ARHGEF15: variants seen among roughly 807,000 people sequenced by gnomAD.
ARHGEF15 encodes the protein Rho guanine nucleotide exchange factor 15.
ARHGEF15 carries 58 observed loss-of-function variants against 79.7 expected under a neutral mutation model. The observed-to-expected ratio is 0.73, with a 90% CI of 0.59 to 0.91. The LOEUF is 0.91. Ranked by LOEUF, ARHGEF15 falls within the 40% of genes least tolerant of loss-of-function variation. The probability of loss-of-function intolerance (pLI) is 0.00; values close to 1 mark genes in which losing one functional copy is unlikely to be tolerated. For missense variants in ARHGEF15, 1,012 were observed against 1,108.1 expected (o/e 0.91, Z 1.23); for synonymous variants, 442 against 456.0 (o/e 0.97, Z 0.39).
In ARHGEF15 at chr17:8,321,161, C is replaced by A; in HGVS notation, c.*168C>A. 1 of 867,946 alleles carries A rather than the reference C, an allele frequency of 1.2e-6. No individual in the cohort carries two copies. The highest frequency in any genetic ancestry group is 1.7e-6 in the Non-Finnish European group (1 of 575,452). The allele number at this position is 867,946 out of a possible 1,614,324, so 53.8% of individuals were successfully genotyped here. A position where few individuals can be genotyped will look rare whatever the true frequency, so the allele number is the denominator to read the frequency against. The stretch of plus-strand genomic sequence containing the variant: ...CAGCCAATGAAAACGGCCGCCTGAA[C>A]CCACAGCAATAAGAATGAATGAGGA... On this transcript the variant is annotated 3_prime_UTR_variant, in exon 16 of 16. Coordinates refer to ENST00000361926, the MANE Select transcript of ARHGEF15 (RefSeq NM_173728.4).
Position 8,318,747 on chromosome 17 carries a change from C to A in ARHGEF15, c.1873-3C>A. ...AACCTCCTCTGCCTCCGCTTCCTCG[C>A]AGGCCCTGCCCCTGGTCTCCTGGTC... On this transcript the variant is annotated splice_region_variant and splice_polypyrimidine_tract_variant and intron_variant, in intron 11 of 15. Transcript: ENST00000361926. The surrounding 1 kb of genome is among the most constrained non-coding windows in gnomAD (Gnocchi z 5.0). 1 of 1,612,384 alleles carries A rather than the reference C, an allele frequency of 6.2e-7. No homozygotes were observed. The highest frequency in any genetic ancestry group is 8.5e-7 in the Non-Finnish European group (1 of 1,179,420).
At chr17:8,319,945 C>CTT (rs33999460) in intron 15 of ARHGEF15, among the ~76,000 whole-genome samples, 61 of 140,534 alleles carry the variant, frequency 4.3e-4, no homozygotes, top group Admixed American at 1.3e-3. Flanking sequence ...TATTTCTATT[C>CTT]TTTTTTTTTT....
Position 8,319,485 on chromosome 17 carries a change from C to T in ARHGEF15, c.2270-14C>T. ...CTAAACAGAATCACTTTAATGTCAC[C>T]CACCCCCAACCAGACTGTTCCCAGG... On this transcript the variant is annotated splice_polypyrimidine_tract_variant and intron_variant, in intron 14 of 15. Transcript: ENST00000361926. 6.3e-7 allele frequency: 1 copy of T among 1,588,190 alleles called. No homozygotes were observed. The highest frequency in any genetic ancestry group is 8.6e-7 in the Non-Finnish European group (1 of 1,168,180).
Position 8,312,076 on chromosome 17 carries a change from A to G in ARHGEF15, c.37A>G (p.Thr13Ala). ...AQSLPAATPP[T>A]QKPPRIIRPR... ...GTCCCTTCCTGCAGCAACACCCCCC[A>G]CGCAGAAGCCCCCTCGGATCATCCG... Residue 13 changes from threonine (T) to alanine (A), a missense_variant, in exon 2 of 16, where the codon ACG (threonine) becomes GCG (alanine). Around this residue, in one of 3 missense-constraint regions of ARHGEF15, gnomAD observed 818 missense variants for 882.5 expected, o/e 0.93. Transcript: ENST00000361926. The G allele has an allele frequency of 9.3e-7, 1 of 1,070,796 alleles. No homozygotes were observed. Among genetic ancestry groups the G allele is most frequent in the Non-Finnish European group, 1.2e-6 (1 of 848,828 alleles). 66.3% of individuals were successfully genotyped at this position (1,070,796 alleles called of 1,614,324 possible).
chr17:8,315,137 C>T lies in ARHGEF15; in HGVS notation c.1120C>T (p.Pro374Ser), dbSNP rs747942476. ...ELWGVGEDGS[P>S]SPANAGDAPT... is the part of the protein sequence containing the mutation. ...GTGGGGGGTGGGTGAGGATGGGAGT[C>T]CTTCTCCAGCAAATGCTGGAGATGC... The change falls in exon 6 of 16, where the codon CCT becomes TCT. Residue 374 changes from proline to serine, a missense_variant. Pro to Ser is a moderately conservative substitution (Grantham distance 74). Around this residue, in one of 3 missense-constraint regions of ARHGEF15, gnomAD observed 818 missense variants for 882.5 expected, o/e 0.93. Transcript: ENST00000361926. The surrounding 1 kb of genome is among the most constrained non-coding windows in gnomAD (Gnocchi z 4.3). 6.2e-7 allele frequency: 1 copy of T among 1,614,052 alleles called. No homozygotes were observed. Among genetic ancestry groups the T allele is most frequent in the East Asian group, 2.2e-5 (1 of 44,876 alleles).
At chr17:8,313,278 C>T (rs1022557551) in intron 3 of ARHGEF15, 24 bp downstream of exon 3, 10 of 1,596,080 alleles carry the variant, frequency 6.3e-6, no homozygotes, top group Admixed American at 3.4e-5. Context: ...GGGAGTGGAC[C>T]TCTGGGCTGT....
chr17:8,316,578 C>T (rs959359279), intron 9 of ARHGEF15, among the ~76,000 whole-genome samples: 13 of 152,218 alleles, frequency 8.5e-5, no homozygotes, highest in Admixed American at 6.5e-4. Flanking sequence ...AAAATTGGTT[C>T]TTTGGGGGTG....
At chr17:8,317,939 C>G (rs1905134374) in intron 9 of ARHGEF15, 1 of 153,756 alleles carries the variant, frequency 6.5e-6, no homozygotes, top group Admixed American at 6.4e-5. Flanking sequence ...CGTGGTGGCA[C>G]ACGTCTGTAA....
At position 8,318,348 on chromosome 17, in the gene ARHGEF15, A is replaced by C; in HGVS notation, c.1705-39A>C. The C allele has an allele frequency of 1.3e-6, 2 of 1,591,342 alleles. No homozygotes were observed. Among genetic ancestry groups the C allele is most frequent in the Non-Finnish European group, 1.7e-6 (2 of 1,165,748 alleles). On this transcript the variant is annotated intron_variant, in intron 9 of 15. Transcript: ENST00000361926. The surrounding 1 kb of genome is among the most constrained non-coding windows in gnomAD (Gnocchi z 5.0). Reference sequence around the variant, plus strand: ...TGGCCCCTCTGAATCCCAGGGCCACAGAGCAGGGGGCCCAGTCACCCTTCC... The same window carrying C: ...TGGCCCCTCTGAATCCCAGGGCCACCGAGCAGGGGGCCCAGTCACCCTTCC...
chr17:8,311,713 C>T (rs1238546840), intron 1 of ARHGEF15, among the ~76,000 whole-genome samples: 1 of 151,468 alleles, frequency 6.6e-6, no homozygotes, highest in Non-Finnish European at 1.5e-5. Context: ...TCCACTCTCC[C>T]CCTGCACACC....
At position 8,318,899 on chromosome 17, in the gene ARHGEF15, T is replaced by G. The variant is rs761280960; in HGVS notation, c.2022T>G (p.Thr674=). Residue 674 remains threonine, a synonymous_variant, in exon 12 of 16, where the codon ACT becomes ACG. Coordinates refer to ENST00000361926, the MANE Select transcript of ARHGEF15 (RefSeq NM_173728.4). This position sits in a 1 kb window ranked among gnomAD's most constrained non-coding sequence, Gnocchi z 5.0. ...TCTTTAGCGACCTGCTGCTCATCAC[T>G]CAGCCTAAGAGGTGAGTCCTAGGGA... ...LLLFSDLLLI[T]QPKSGQRLQV... 6.9e-5 allele frequency: 112 copies of G among 1,612,404 alleles called. No individual in the cohort carries two copies. Among genetic ancestry groups the G allele is most frequent in the Non-Finnish European group, 9.5e-5 (112 of 1,179,930 alleles).
chr17:8,314,867 G>A (rs1381427455), intron 4 of ARHGEF15, 39 bp from the exon 5 acceptor site: 2 of 1,611,068 alleles, frequency 1.2e-6, no homozygotes, highest in African/African-American at 1.3e-5. Context: ...GGGCAGCAGT[G>A]GTGGCCCTGG....
chr17:8,314,448 C>G (rs1904871424), intron 4 of ARHGEF15, among the ~76,000 whole-genome samples: 1 of 151,990 alleles, frequency 6.6e-6, no homozygotes, highest in Admixed American at 6.6e-5. Context: ...TGCAGTCCAT[C>G]ACGTTGAGCT....
In ARHGEF15 at chr17:8,315,159, A is replaced by G. The variant is rs377531916; in HGVS notation, c.1142A>G (p.Asp381Gly). The change falls in exon 6 of 16, where the codon GAT becomes GGT. Residue 381 changes from aspartate to glycine, a missense_variant. Around this residue, in one of 3 missense-constraint regions of ARHGEF15, gnomAD observed 818 missense variants for 882.5 expected, o/e 0.93. Coordinates refer to ENST00000361926, the MANE Select transcript of ARHGEF15 (RefSeq NM_173728.4). The surrounding 1 kb of genome is among the most constrained non-coding windows in gnomAD (Gnocchi z 4.3). Reference protein sequence around the residue: ...DGSPSPANAGDAPTFPRPPGP... With the variant: ...DGSPSPANAGGAPTFPRPPGP... ...AGTCCTTCTCCAGCAAATGCTGGAG[A>G]TGCACCCACCTTCCCACGACCCCCT... 244 of 1,613,876 alleles carry G rather than the reference A, an allele frequency of 1.5e-4. No homozygotes were observed. Among genetic ancestry groups the G allele is most frequent in the Non-Finnish European group, 2.0e-4 (238 of 1,179,996 alleles).
Position 8,315,959 on chromosome 17 carries a change from C to T in ARHGEF15, c.1574+52C>T. On this transcript the variant is annotated intron_variant, in intron 8 of 15. Transcript: ENST00000361926. This position sits in a 1 kb window ranked among gnomAD's most constrained non-coding sequence, Gnocchi z 4.3. ...GCTGGGGAGAGGGATGGGACCGAGG[C>T]CACAGCAGGTTGGGGCACCAGGGCC... is the stretch of plus-strand genomic sequence containing the variant. 1 of 1,600,704 alleles carries T rather than the reference C, an allele frequency of 6.2e-7. No individual in the cohort carries two copies. The highest frequency in any genetic ancestry group is 2.2e-5 in the East Asian group (1 of 44,812).
rs751302875 is a variant in ARHGEF15 at position 8,318,922 on chromosome 17, G to C, written c.2033+12G>C. The C allele has an allele frequency of 3.7e-6, 6 of 1,610,642 alleles. No individual in the cohort carries two copies. Among genetic ancestry groups the C allele is most frequent in the Non-Finnish European group, 5.1e-6 (6 of 1,179,176 alleles). ...ACTCAGCCTAAGAGGTGAGTCCTAG[G>C]GAAGGAAGGAGCCCAGGCTGGAGTG... On this transcript the variant is annotated intron_variant, in intron 12 of 15. Coordinates refer to ENST00000361926, the MANE Select transcript of ARHGEF15 (RefSeq NM_173728.4). The surrounding 1 kb of genome is among the most constrained non-coding windows in gnomAD (Gnocchi z 5.0).
At chr17:8,311,932 C>T (rs1904646482) in intron 1 of ARHGEF15, 59 bp from the exon 2 acceptor site, 1 of 1,246,888 alleles carries the variant, frequency 8.0e-7, no homozygotes, top group East Asian at 2.7e-5. Flanking sequence ...TCCAGTGGCC[C>T]CAGTTTACCC....
Position 8,315,677 on chromosome 17 carries a change from T to C in ARHGEF15, c.1422-78T>C. ...TCCTTCCTTCTACGGACCCAGTTAG[T>C]TCCCAAACCTTCTCTCAAGAACCCG... On this transcript the variant is annotated intron_variant, in intron 7 of 15. Transcript: ENST00000361926. This position sits in a 1 kb window ranked among gnomAD's most constrained non-coding sequence, Gnocchi z 4.3. The C allele has an allele frequency of 6.3e-7, 1 of 1,588,916 alleles. No individual in the cohort carries two copies. The highest frequency in any genetic ancestry group is 8.6e-7 in the Non-Finnish European group (1 of 1,168,696).
In ARHGEF15 at chr17:8,316,166, G is replaced by A. The variant is rs758947949; in HGVS notation, c.1704+18G>A. 1.3e-5 allele frequency: 21 copies of A among 1,596,438 alleles called. No individual in the cohort carries two copies. The highest frequency in any genetic ancestry group is 1.7e-5 in the Non-Finnish European group (20 of 1,177,720). On this transcript the variant is annotated intron_variant, in intron 9 of 15. Coordinates refer to ENST00000361926, the MANE Select transcript of ARHGEF15 (RefSeq NM_173728.4). ...TGCTGCAGGTACCTGTCCCAGCTGCGGCCGTTTCTGCCCCACCAACCCCAT... is the reference window on the plus strand; with the variant it reads ...TGCTGCAGGTACCTGTCCCAGCTGCAGCCGTTTCTGCCCCACCAACCCCAT...
Sources: allele counts gnomAD v4.1 joint callset (sites outside exome capture counted in the v4.1 genomes callset), GRCh38; gene constraint gnomAD v4.1.1; regional missense constraint gnomAD v4.1.1; non-coding constraint Gnocchi (gnomAD v3.1); transcripts MANE v1.5; gene names NCBI Gene and HGNC (gene_info 2026-07-23, HGNC 2026-07-21).